Variants in FHIT observed in about 807,000 individuals in gnomAD.
The protein encoded by FHIT is fragile histidine triad diadenosine triphosphatase.
A neutral mutation model predicts 17.9 loss-of-function variants in FHIT; 19 were observed. The ratio of observed to expected loss-of-function variants is 1.06; its 90% confidence interval spans 0.74 to 1.56. The LOEUF (loss-of-function observed/expected upper bound fraction) is 1.56. FHIT is among the 40% of genes most tolerant of loss of function. FHIT has a pLI of 0.00. For missense variants in FHIT, 248 were observed against 189.2 expected, an observed-to-expected ratio of 1.31 and a Z score of -1.82; for synonymous variants, 81 against 69.7, an observed-to-expected ratio of 1.16 and a Z score of -0.81.
At chr3:60,062,607 G>A (rs1702338215) in intron 5 of FHIT, among the ~76,000 whole-genome samples, 1 of 152,138 alleles carries the variant, frequency 6.6e-6, no homozygotes. Flanking sequence ...TGAAGTGCTG[G>A]ATTTATCCTA....
chr3:60,097,977 G>T (rs922202139), intron 5 of FHIT, among the ~76,000 whole-genome samples: 1 of 148,270 alleles, frequency 6.7e-6, no homozygotes, highest in African/African-American at 2.5e-5. Flanking sequence ...TGGTTTTTTT[G>T]TCCTTGCCAT....
chr3:59,871,868 C>G (rs988810722), intron 8 of FHIT, among the ~76,000 whole-genome samples: 1 of 152,168 alleles, frequency 6.6e-6, no homozygotes, highest in Non-Finnish European at 1.5e-5. Flanking sequence ...ATTTTGGAGG[C>G]AAAGTCTGTT....
Position 61,003,869 on chromosome 3 carries a change from T to C in FHIT, c.-111+38178A>G, listed in dbSNP as rs999913948. ...ATCTGGCATGTCCATTTCTGTAATA[T>C]TTACAGATATAACACATCAGCAATA... On this transcript the variant is annotated intron_variant, in intron 3 of 9. Coordinates refer to ENST00000492590, the MANE Select transcript of FHIT (RefSeq NM_002012.4). 7.2e-5 allele frequency among the ~76,000 whole-genome samples: 11 copies of C among 152,388 alleles called. No homozygotes were observed. The East Asian group carries it at 1.9e-3, about 27-fold the overall frequency.
chr3:59,868,325 C>T (rs1436376140), intron 8 of FHIT, among the ~76,000 whole-genome samples: 2 of 121,448 alleles, frequency 1.6e-5, no homozygotes, highest in African/African-American at 7.3e-5. Flanking sequence ...AGTATTGTGC[C>T]ATTTCCACGC....
intron 8 of FHIT, among the ~76,000 whole-genome samples, chr3:59,772,551 C>T (rs895017919): frequency 6.6e-6 from 1 of 152,192 alleles, no homozygotes; most frequent in African/African-American, 2.4e-5. Flanking sequence ...GGGGAACTGG[C>T]CCAGGTAGGC....
At chr3:59,856,585 A>G (rs755951260) in intron 8 of FHIT, among the ~76,000 whole-genome samples, 1 of 152,262 alleles carries the variant, frequency 6.6e-6, no homozygotes, top group Non-Finnish European at 1.5e-5. Context: ...ATTGTAAGGC[A>G]TAACAAATTT....
chr3:61,077,513 G>A lies in FHIT; in HGVS notation c.-163-35414C>T, dbSNP rs2106763216. On this transcript the variant is annotated intron_variant, in intron 2 of 9. Coordinates refer to ENST00000492590, the MANE Select transcript of FHIT (RefSeq NM_002012.4). ...AAAAAAACAGCCATGCCAGTAGAAT[G>A]CAGTAATCTGACAGCTTTTAGCAAA... 1.3e-5 allele frequency among the ~76,000 whole-genome samples: 2 copies of A among 152,088 alleles called. 1 individual carries two copies. The highest frequency in any genetic ancestry group is 4.2e-4 in the South Asian group (2 of 4,808).
At chr3:60,175,790 T>G (rs1210747414) in intron 5 of FHIT, among the ~76,000 whole-genome samples, 3 of 152,112 alleles carry the variant, frequency 2.0e-5, no homozygotes, top group Non-Finnish European at 4.4e-5. Flanking sequence ...TAAAACTCAA[T>G]GCTATTAACA....
At chr3:60,238,919 A>C (rs1704961890) in intron 5 of FHIT, among the ~76,000 whole-genome samples, 1 of 152,200 alleles carries the variant, frequency 6.6e-6, no homozygotes, top group African/African-American at 2.4e-5. Context: ...TTCAATTATG[A>C]TAATCCTGCA....
At chr3:60,064,980 AG>A (rs1702440478) in intron 5 of FHIT, among the ~76,000 whole-genome samples, 1 of 152,176 alleles carries the variant, frequency 6.6e-6, no homozygotes, top group Non-Finnish European at 1.5e-5. Flanking sequence ...AGCAAGTGGG[AG>A]GTGGCATTCA....
intron 5 of FHIT, among the ~76,000 whole-genome samples, chr3:60,176,138 A>AG (rs1701657959): frequency 1.3e-5 from 2 of 152,106 alleles, no homozygotes; most frequent in South Asian, 4.2e-4. Flanking sequence ...GGATCACCTG[A>AG]GTCAGGAGTT....
chr3:61,189,810 C>T (rs1325823485), intron 2 of FHIT, among the ~76,000 whole-genome samples: 1 of 152,026 alleles, frequency 6.6e-6, no homozygotes, highest in Admixed American at 6.6e-5. Flanking sequence ...CTTTGACAAA[C>T]CTGAGAAAAA....
rs116908252 is a variant in FHIT, at chr3:60,787,816, C to T, written c.-18+34103G>A. On this transcript the variant is annotated intron_variant, in intron 4 of 9. Coordinates refer to ENST00000492590, the MANE Select transcript of FHIT (RefSeq NM_002012.4). ...AAAGCAAAGCTCCACCTTCTTGCTC[C>T]ATCTCTCATACTGTAAACAAGGGTC... Among the ~76,000 whole-genome samples the T allele has an allele frequency of 2.0e-3, 310 of 152,328 alleles. 6 individuals are homozygous for T. In the South Asian group the frequency reaches 0.023, roughly 11 times the overall value.
intron 5 of FHIT, among the ~76,000 whole-genome samples, chr3:60,165,931 C>T (rs1046909195): frequency 2.0e-5 from 3 of 151,948 alleles, no homozygotes; most frequent in Admixed American, 6.6e-5. Context: ...GTTTTTTTCA[C>T]CGGACATCTA....
At chr3:60,898,969 C>CTA (rs1356349474) in intron 3 of FHIT, among the ~76,000 whole-genome samples, 2 of 152,166 alleles carry the variant, frequency 1.3e-5, no homozygotes, top group Non-Finnish European at 2.9e-5. Flanking sequence ...ACTTCAGGTT[C>CTA]TAGTCTAATG....
intron 5 of FHIT, among the ~76,000 whole-genome samples, chr3:60,222,214 GCATT>G (rs138143844): frequency 0.023 from 3,434 of 151,790 alleles, 125 homozygotes; most frequent in African/African-American, 0.077. Flanking sequence ...ATTTATTCAT[GCATT>G]CATTCATTCA....
chr3:60,298,096 G>A (rs962267981), intron 5 of FHIT, among the ~76,000 whole-genome samples: 1 of 151,976 alleles, frequency 6.6e-6, no homozygotes, highest in African/African-American at 2.4e-5. Flanking sequence ...CTCTGGGAAG[G>A]TGCCCTCTCT....
chr3:59,932,390 G>A (rs1264901612), intron 7 of FHIT, among the ~76,000 whole-genome samples: 1 of 152,190 alleles, frequency 6.6e-6, no homozygotes, highest in Non-Finnish European at 1.5e-5. Context: ...AACAGGGCAT[G>A]TAGGAAGAAA....
intron 2 of FHIT, among the ~76,000 whole-genome samples, chr3:61,187,470 A>G (rs182173090): frequency 7.9e-5 from 12 of 152,310 alleles, no homozygotes; most frequent in African/African-American, 2.9e-4. Context: ...AGACTCCCAC[A>G]CAATAATAAT....
Sources: allele counts gnomAD v4.1 joint callset (sites outside exome capture counted in the v4.1 genomes callset), GRCh38; gene constraint gnomAD v4.1.1; transcripts MANE v1.5; gene names NCBI Gene and HGNC (gene_info 2026-07-23, HGNC 2026-07-21).